Variants in STAC2 observed in about 807,000 individuals in gnomAD.
STAC2 encodes the protein SH3 and cysteine rich domain 2.
Under a neutral mutation model 49.0 loss-of-function variants are expected in STAC2, and 36 were observed. That is an observed-to-expected ratio of 0.74 (90% confidence interval 0.56 to 0.97). STAC2 has a LOEUF of 0.97. Among genes scored for constraint, STAC2 ranks in the 50% least tolerant of loss-of-function variants. The pLI is 0.00. For missense variants in STAC2, 527 were observed against 543.8 expected, an observed-to-expected ratio of 0.97 and a Z score of 0.31; for synonymous variants, 239 against 214.7, an observed-to-expected ratio of 1.11 and a Z score of -0.99.
In STAC2 at chr17:39,225,273, C is replaced by G. The variant is rs1384836679; in HGVS notation, c.90+140G>C. 3.0e-6 allele frequency: 2 copies of G among 672,940 alleles called. No homozygotes were observed. The highest frequency in any genetic ancestry group is 6.4e-5 in the East Asian group (2 of 31,290). The allele number at this position is 672,940 out of a possible 1,614,324, so 41.7% of individuals were successfully genotyped here. ...CCCTCGTCGCCAACCCACTCCTACC[C>G]CCGGGAGCGGCGCGGAGCCTCAGTG... On this transcript the variant is annotated intron_variant, in intron 1 of 10. Transcript: ENST00000333461. This position sits in a 1 kb window ranked among gnomAD's most constrained non-coding sequence, Gnocchi z 8.2.
At chr17:39,213,170 C>T (rs201273882) in intron 9 of STAC2, 38 bp from the exon 10 acceptor site, 57 of 1,598,418 alleles carry the variant, frequency 3.6e-5, no homozygotes, top group Non-Finnish European at 4.4e-5. Flanking sequence ...CGCGCCACAC[C>T]CCACCCCTGC....
rs753223082 is a variant in STAC2 at position 39,218,071 on chromosome 17, C to T, written c.193G>A (p.Glu65Lys). 8 of 1,611,840 alleles carry T rather than the reference C, an allele frequency of 5.0e-6. No individual in the cohort carries two copies. The South Asian group carries it at 5.5e-5, about 11-fold the overall frequency. ...GGGGTTGGGGGCGTCAGCAGCACCT[C>T]GGTGGGGCACTTGAGCTCAGAGCCC... ...RSGSELKCPT[E>K]VLLTPPTPLP... The change falls in exon 2 of 11, where the codon GAG becomes AAG. Residue 65 changes from glutamate (E) to lysine (K), a missense_variant. Transcript: ENST00000333461.
At chr17:39,214,067 A>T (rs1484451457) in intron 8 of STAC2, among the ~76,000 whole-genome samples, 166 bp downstream of exon 8, 1 of 152,124 alleles carries the variant, frequency 6.6e-6, no homozygotes, top group Non-Finnish European at 1.5e-5. Flanking sequence ...GGCGGGAGAC[A>T]CGACATTAGC....
chr17:39,216,720 G>C (rs2046405517), intron 4 of STAC2, 90 bp downstream of exon 4: 1 of 1,269,978 alleles, frequency 7.9e-7, no homozygotes, highest in Non-Finnish European at 1.1e-6. Flanking sequence ...GAGAGACGGG[G>C]TTTCACTGTG....
chr17:39,213,473 C>T (rs887751073), intron 9 of STAC2, 34 bp downstream of exon 9: 9 of 1,612,644 alleles, frequency 5.6e-6, no homozygotes, highest in Non-Finnish European at 7.6e-6. Context: ...GGGTGCCTAC[C>T]AGTGTCCCTC....
intron 3 of STAC2, 67 bp downstream of exon 3, chr17:39,217,009 A>T (rs1250297209): frequency 6.2e-7 from 1 of 1,600,236 alleles, no homozygotes; most frequent in Admixed American, 1.7e-5. Context: ...CCTGAGGGAT[A>T]CTCATTCTCC....
At chr17:39,214,434 G>A in intron 7 of STAC2, 104 bp from the exon 8 acceptor site, 1 of 1,561,284 alleles carries the variant, frequency 6.4e-7, no homozygotes, top group Non-Finnish European at 8.7e-7. Flanking sequence ...AGGGGACACA[G>A]TGAGTCCTAG....
chr17:39,221,717 T>A (rs1047693777), intron 1 of STAC2, among the ~76,000 whole-genome samples: 4 of 151,888 alleles, frequency 2.6e-5, no homozygotes, highest in African/African-American at 9.7e-5. Context: ...GAGCCCTGCA[T>A]GGGCCTCACC....
intron 1 of STAC2, among the ~76,000 whole-genome samples, chr17:39,221,021 C>T (rs1313739147): frequency 6.6e-6 from 1 of 151,612 alleles, no homozygotes; most frequent in Admixed American, 6.6e-5. Flanking sequence ...TGGTCTCGAT[C>T]TCCTGACCTC....
chr17:39,224,656 G>A (rs1005246438), intron 1 of STAC2, among the ~76,000 whole-genome samples: 1 of 152,188 alleles, frequency 6.6e-6, no homozygotes, highest in Non-Finnish European at 1.5e-5. Context: ...CATTAATTAC[G>A]ATGACTTCTC....
intron 4 of STAC2, among the ~76,000 whole-genome samples, chr17:39,215,939 G>A (rs1329250684): frequency 3.3e-5 from 5 of 152,036 alleles, no homozygotes; most frequent in Non-Finnish European, 5.9e-5. Context: ...TGATCCGCCC[G>A]CCTCGGCCTC....
chr17:39,221,511 A>C (rs2046462623), intron 1 of STAC2, among the ~76,000 whole-genome samples: 1 of 152,212 alleles, frequency 6.6e-6, no homozygotes, highest in Admixed American at 6.5e-5. Flanking sequence ...AGCACTTTAT[A>C]TGCAGCATCT....
In STAC2 at chr17:39,210,610, G is replaced by C. The variant is rs2046345814; in HGVS notation, c.*1682C>G. On this transcript the variant is annotated 3_prime_UTR_variant, in exon 11 of 11. Coordinates refer to ENST00000333461, the MANE Select transcript of STAC2 (RefSeq NM_198993.5). ...CCCCAGACCCATCATGCAGCCTCATGTACAGTGGGCATTGGGCCCGCCCCT... is the reference window on the plus strand; with the variant it reads ...CCCCAGACCCATCATGCAGCCTCATCTACAGTGGGCATTGGGCCCGCCCCT... 6.6e-6 allele frequency: 1 copy of C among 152,358 alleles called. No homozygotes were observed. The highest frequency in any genetic ancestry group is 1.5e-5 in the Non-Finnish European group (1 of 68,048). 9.4% of individuals were successfully genotyped at this position (152,358 alleles called of 1,614,324 possible).
chr17:39,217,031 A>G (rs761150137), intron 3 of STAC2, 45 bp downstream of exon 3: 2 of 1,608,216 alleles, frequency 1.2e-6, no homozygotes, highest in Non-Finnish European at 1.7e-6. Context: ...ATGTGACAGT[A>G]CTGGCAGCAC....
intron 1 of STAC2, among the ~76,000 whole-genome samples, chr17:39,220,301 C>G (rs1346383014): frequency 6.6e-6 from 1 of 152,122 alleles, no homozygotes; most frequent in African/African-American, 2.4e-5. Flanking sequence ...TGGATGGGCC[C>G]CAAGAGGCAG....
chr17:39,221,107 T>C (rs1437366150), intron 1 of STAC2, among the ~76,000 whole-genome samples: 1 of 149,268 alleles, frequency 6.7e-6, no homozygotes, highest in East Asian at 2.0e-4. Flanking sequence ...CTTGTTTTTA[T>C]TTTTTTGAGA....
chr17:39,212,823 C>T (rs1261208925), intron 10 of STAC2, among the ~76,000 whole-genome samples, 172 bp downstream of exon 10: 1 of 152,216 alleles, frequency 6.6e-6, no homozygotes. Flanking sequence ...GCCCAAATTC[C>T]CCAGCAGGGG....
At chr17:39,212,489 G>C (rs1161314204) in intron 10 of STAC2, 93 bp from the exon 11 acceptor site, 15 of 907,498 alleles carry the variant, frequency 1.7e-5, no homozygotes, top group Non-Finnish European at 2.6e-5. Flanking sequence ...CACCCTGGGG[G>C]ATGATGGGAC....
intron 1 of STAC2, among the ~76,000 whole-genome samples, chr17:39,219,835 A>G (rs1430886457): frequency 6.6e-6 from 1 of 152,108 alleles, no homozygotes; most frequent in Non-Finnish European, 1.5e-5. Context: ...TCTATTAGAG[A>G]CAGAAACAGG....
Sources: allele counts gnomAD v4.1 joint callset (sites outside exome capture counted in the v4.1 genomes callset), GRCh38; gene constraint gnomAD v4.1.1; non-coding constraint Gnocchi (gnomAD v3.1); transcripts MANE v1.5; gene names NCBI Gene and HGNC (gene_info 2026-07-23, HGNC 2026-07-21).